The following NWD1 variants were observed in gnomAD, a reference collection of about 807,000 sequenced individuals.
NWD1 encodes NACHT domain- and WD repeat-containing protein 1.
In NWD1, 129 loss-of-function variants were observed where a neutral mutation model predicts 135.1. That is an observed-to-expected ratio of 0.96 (90% confidence interval 0.83 to 1.11). The LOEUF is 1.11. Ranked by LOEUF, NWD1 falls within the 50% of genes least tolerant of loss-of-function variation. NWD1 has a pLI of 0.00. For missense variants in NWD1, 1,740 were observed against 1,851.3 expected, an observed-to-expected ratio of 0.94 and a Z score of 1.10; for synonymous variants, 773 against 786.0, an observed-to-expected ratio of 0.98 and a Z score of 0.28.
At position 16,779,338 on chromosome 19, in the gene NWD1, T is replaced by C; in HGVS notation, c.2609-5T>C. On this transcript the variant is annotated splice_polypyrimidine_tract_variant and splice_region_variant and intron_variant, in intron 11 of 18. Transcript: ENST00000524140. ...ATCATTGCTGTTGCCTCTGTGTGGC[T>C]GCAGGCATCACCGCCATGGCATGGG... 1 of 1,613,854 alleles carries C rather than the reference T, an allele frequency of 6.2e-7. No individual in the cohort carries two copies. Among genetic ancestry groups the C allele is most frequent in the Non-Finnish European group, 8.5e-7 (1 of 1,179,990 alleles).
intron 7 of NWD1, 120 bp from the exon 8 acceptor site, chr19:16,761,859 G>C (rs1969025841): frequency 1.4e-6 from 1 of 698,322 alleles, no homozygotes; most frequent in Admixed American, 2.6e-5. Flanking sequence ...AATAGCACAG[G>C]TGGTCAACAG....
chr19:16,772,398 G>A (rs1045098445), intron 10 of NWD1, among the ~76,000 whole-genome samples: 8 of 152,062 alleles, frequency 5.3e-5, no homozygotes, highest in African/African-American at 1.9e-4. Context: ...GGTGGCTCAT[G>A]CCTGTAATCC....
intron 9 of NWD1, 27 bp downstream of exon 9, chr19:16,763,972 A>C: frequency 1.4e-6 from 2 of 1,400,244 alleles, no homozygotes; most frequent in Non-Finnish European, 2.0e-6. Flanking sequence ...ATCTCAGAGG[A>C]CCGAGCCTGG....
chr19:16,735,792 T>TGGAA (rs1216718356), intron 3 of NWD1, among the ~76,000 whole-genome samples: 2,406 of 96,438 alleles, frequency 0.025, 76 homozygotes, highest in African/African-American at 0.028. Context: ...ATCATGCCAC[T>TGGAA]GGAAGGAAGG....
At chr19:16,774,357 C>T (rs1169535964) in intron 11 of NWD1, among the ~76,000 whole-genome samples, 2 of 151,936 alleles carry the variant, frequency 1.3e-5, no homozygotes, top group African/African-American at 2.4e-5. Context: ...TCCTCCCACC[C>T]ATCCACCCAT....
At chr19:16,794,281 G>T (rs1568385880) in intron 14 of NWD1, among the ~76,000 whole-genome samples, 182 bp from the exon 15 acceptor site, 1 of 152,138 alleles carries the variant, frequency 6.6e-6, no homozygotes, top group Non-Finnish European at 1.5e-5. Context: ...CAGGGGAATT[G>T]CTTGAACCCG....
intron 17 of NWD1, among the ~76,000 whole-genome samples, chr19:16,803,704 G>A (rs1970668538): frequency 6.6e-6 from 1 of 151,268 alleles, no homozygotes; most frequent in Non-Finnish European, 1.5e-5. Context: ...ATCATTTGAG[G>A]TCAGGAGTTG....
Position 16,791,321 on chromosome 19 carries a change from A to G in NWD1, c.2941-29A>G, listed in dbSNP as rs574718998. On this transcript the variant is annotated intron_variant, in intron 13 of 18. Coordinates refer to ENST00000524140, the MANE Select transcript of NWD1 (RefSeq NM_001007525.5). Reference sequence around the variant, plus strand: ...CTTGTAGTCTAGGTCTCCTGCCAAGATGCTGCTTCCTCTTCATTATTCTAT... The same window carrying G: ...CTTGTAGTCTAGGTCTCCTGCCAAGGTGCTGCTTCCTCTTCATTATTCTAT... 26 of 1,602,754 alleles carry G rather than the reference A, an allele frequency of 1.6e-5. 1 individual carries two copies. The South Asian group carries it at 2.5e-4, about 16-fold the overall frequency.
chr19:16,744,347 A>C, intron 4 of NWD1, 74 bp from the exon 5 acceptor site: 1 of 1,364,130 alleles, frequency 7.3e-7, no homozygotes, highest in Non-Finnish European at 1.0e-6. Flanking sequence ...ACCGCACTCC[A>C]GCCTGGGCGA....
At chr19:16,742,521 T>A (rs1041729458) in intron 4 of NWD1, among the ~76,000 whole-genome samples, 2 of 152,056 alleles carry the variant, frequency 1.3e-5, no homozygotes, top group East Asian at 1.9e-4. Context: ...CTCTGTTCCA[T>A]CCCCAGGCCC....
intron 12 of NWD1, among the ~76,000 whole-genome samples, chr19:16,788,414 A>G (rs933459122): frequency 6.6e-5 from 10 of 150,714 alleles, no homozygotes; most frequent in Admixed American, 4.7e-4. Flanking sequence ...CTAAAAATAG[A>G]AAAAATTAGC....
intron 3 of NWD1, 38 bp from the exon 4 acceptor site, chr19:16,736,596 T>A: frequency 7.7e-7 from 1 of 1,290,394 alleles, no homozygotes; most frequent in South Asian, 1.3e-5. Context: ...TCACCTGTCA[T>A]GCCACCTCTC....
At chr19:16,787,891 T>C (rs1409243567) in intron 12 of NWD1, among the ~76,000 whole-genome samples, 1 of 77,832 alleles carries the variant, frequency 1.3e-5, no homozygotes, top group Non-Finnish European at 2.4e-5. Flanking sequence ...ATAATAATAA[T>C]AATAATAATA....
intron 11 of NWD1, among the ~76,000 whole-genome samples, chr19:16,778,491 CTTCT>C (rs748471944): frequency 0.32 from 15,656 of 49,336 alleles, 967 homozygotes; most frequent in Non-Finnish European, 0.36. Context: ...TCTTCTTCTT[CTTCT>C]TTTTTTTTTT....
intron 17 of NWD1, among the ~76,000 whole-genome samples, chr19:16,803,350 T>A (rs916763498): frequency 2.0e-5 from 3 of 151,948 alleles, no homozygotes; most frequent in Non-Finnish European, 4.4e-5. Flanking sequence ...AGGCCCCAGC[T>A]CCTAATACCA....
At chr19:16,737,457 A>G (rs1967869796) in intron 4 of NWD1, among the ~76,000 whole-genome samples, 1 of 151,442 alleles carries the variant, frequency 6.6e-6, no homozygotes, top group Admixed American at 6.6e-5. Context: ...GGGTCTCACT[A>G]TGTTGCCCAG....
chr19:16,761,192 G>A lies in NWD1; in HGVS notation c.1974-787G>A, dbSNP rs546683063. ...CATCCACATTGTAGCAGGGATCAGT[G>A]CTTCCTTCCTTTTCATGGCTACATA... On this transcript the variant is annotated intron_variant, in intron 7 of 18. Transcript: ENST00000524140. Among the ~76,000 whole-genome samples the A allele has an allele frequency of 2.6e-5, 4 of 152,204 alleles. No individual in the cohort carries two copies. In the East Asian group the frequency reaches 5.8e-4, roughly 22 times the overall value.
intron 3 of NWD1, among the ~76,000 whole-genome samples, chr19:16,735,846 GA>G (rs1411934978): frequency 6.0e-5 from 3 of 50,032 alleles, no homozygotes; most frequent in South Asian, 9.0e-4. Flanking sequence ...AGGAAGGAAG[GA>G]AGGAAGGAAG....
intron 2 of NWD1, among the ~76,000 whole-genome samples, chr19:16,724,981 A>G (rs932427105): frequency 2.0e-5 from 3 of 151,654 alleles, no homozygotes; most frequent in Non-Finnish European, 2.9e-5. Flanking sequence ...GGCGTGAGCC[A>G]CTATGCCTAG....
Sources: allele counts gnomAD v4.1 joint callset (sites outside exome capture counted in the v4.1 genomes callset), GRCh38; gene constraint gnomAD v4.1.1; transcripts MANE v1.5; gene names NCBI Gene and HGNC (gene_info 2026-07-23, HGNC 2026-07-21).